Variants in DCAF5 observed in about 807,000 individuals in gnomAD.
DCAF5 encodes the protein DDB1 and CUL4 associated factor 5.
In DCAF5, 9 loss-of-function variants were observed where a neutral mutation model predicts 80.7. The observed-to-expected ratio is 0.11, with a 90% CI of 0.07 to 0.19. The LOEUF is 0.19. Among genes scored for constraint, DCAF5 ranks in the 10% least tolerant of loss-of-function variants. The pLI, the probability that DCAF5 is intolerant of heterozygous loss-of-function variation, is 1.00. For synonymous variants in DCAF5, 433 were observed against 461.9 expected, an observed-to-expected ratio of 0.94 and a Z score of 0.80; for missense variants, 842 against 1,205.7, an observed-to-expected ratio of 0.70 and a Z score of 4.47.
chr14:69,124,799 C>T (rs1458571512), intron 1 of DCAF5, among the ~76,000 whole-genome samples: 1 of 152,188 alleles, frequency 6.6e-6, no homozygotes, highest in Non-Finnish European at 1.5e-5. Flanking sequence ...AGTCTCCACT[C>T]CTATGGTTTT....
At chr14:69,099,503 C>T (rs2039875891) in intron 5 of DCAF5, among the ~76,000 whole-genome samples, 1 of 152,032 alleles carries the variant, frequency 6.6e-6, no homozygotes, top group Admixed American at 6.6e-5. Flanking sequence ...TATCAATGAC[C>T]ATCCAGGTCT....
chr14:69,127,969 T>G (rs1256579607), intron 1 of DCAF5, among the ~76,000 whole-genome samples: 1 of 152,154 alleles, frequency 6.6e-6, no homozygotes, highest in Non-Finnish European at 1.5e-5. Context: ...TATTGTTACA[T>G]CTTTTAGGTA....
At chr14:69,086,057 C>A (rs1319817934) in intron 6 of DCAF5, among the ~76,000 whole-genome samples, 2 of 152,094 alleles carry the variant, frequency 1.3e-5, no homozygotes, top group African/African-American at 4.8e-5. Flanking sequence ...TTGCTGGGAG[C>A]ATTAAAATAT....
chr14:69,058,951 A>C (rs970033527), intron 8 of DCAF5, among the ~76,000 whole-genome samples: 1 of 152,132 alleles, frequency 6.6e-6, no homozygotes, highest in Non-Finnish European at 1.5e-5. Flanking sequence ...AGATGAGACA[A>C]ATATTTTCCT....
In DCAF5 at chr14:69,152,439, T is replaced by G. The variant is rs913576827; in HGVS notation, c.214+326A>C. On this transcript the variant is annotated intron_variant, in intron 1 of 8. Transcript: ENST00000341516. The surrounding 1 kb of genome is among the most constrained non-coding windows in gnomAD (Gnocchi z 4.1). ...CTTTTAAAGTACGCGGAGGAAGAGT[T>G]TGCCGTCAAACTTTGTAGAGCGGTA... is the stretch of plus-strand genomic sequence containing the variant. The G allele has an allele frequency of 1.6e-5, 4 of 252,900 alleles. No homozygotes were observed. Among genetic ancestry groups the G allele is most frequent in the African/African-American group, 4.5e-5 (2 of 44,554 alleles). 15.7% of individuals were successfully genotyped at this position (252,900 alleles called of 1,614,324 possible).
chr14:69,070,918 CTCCCGAGTAGCTGGGATGATGGGTG>C (rs1267685030), intron 7 of DCAF5, among the ~76,000 whole-genome samples: 1 of 152,100 alleles, frequency 6.6e-6, no homozygotes, highest in East Asian at 1.9e-4. Flanking sequence ...CTGCCACAGC[CTCCCGAGTAGCTGGGATGATGGGTG>C]TGCACCACTA....
chr14:69,085,321 G>A, intron 6 of DCAF5: 2 of 704,084 alleles, frequency 2.8e-6, no homozygotes, highest in Non-Finnish European at 5.4e-6. Context: ...AACCAAGAAA[G>A]TTGAGAAGTC....
At chr14:69,082,820 G>A (rs1208280360) in intron 6 of DCAF5, among the ~76,000 whole-genome samples, 1 of 152,132 alleles carries the variant, frequency 6.6e-6, no homozygotes, top group East Asian at 1.9e-4. Flanking sequence ...TCAAAAAGAG[G>A]CAAAGCTCTT....
chr14:69,084,225 G>A, intron 6 of DCAF5: 1 of 1,009,590 alleles, frequency 9.9e-7, no homozygotes, highest in Non-Finnish European at 1.6e-6. Flanking sequence ...CATACCTATG[G>A]GTTGATAATG....
At chr14:69,092,290 T>C (rs1276691815) in intron 5 of DCAF5, among the ~76,000 whole-genome samples, 1 of 152,126 alleles carries the variant, frequency 6.6e-6, no homozygotes, top group Non-Finnish European at 1.5e-5. Flanking sequence ...AGCAATATAG[T>C]CATCCTTCAT....
chr14:69,084,822 C>T lies in DCAF5; in HGVS notation c.879+6852G>A, dbSNP rs377527124. On this transcript the variant is annotated intron_variant, in intron 6 of 8. Transcript: ENST00000341516. ...GCAGATTCAGGAACACTATTGTGTA[C>T]AGATGTGGCAGCAAGAGAACTGGAC... is the stretch of plus-strand genomic sequence containing the variant. 1.6e-3 allele frequency: 1,699 copies of T among 1,066,284 alleles called. 43 individuals carry two copies. In the South Asian group the frequency reaches 0.021, roughly 13 times the overall value. 66.1% of individuals were successfully genotyped at this position (1,066,284 alleles called of 1,614,324 possible). A position where few individuals can be genotyped will look rare whatever the true frequency, so the allele number is the denominator to read the frequency against.
intron 8 of DCAF5, among the ~76,000 whole-genome samples, chr14:69,056,082 C>T (rs1019105034): frequency 6.6e-6 from 1 of 152,218 alleles, no homozygotes; most frequent in Admixed American, 6.5e-5. Context: ...AGACCCAGCA[C>T]TCAGCCCTCC....
intron 7 of DCAF5, among the ~76,000 whole-genome samples, chr14:69,072,817 G>C (rs2038750112): frequency 6.6e-6 from 1 of 152,170 alleles, no homozygotes; most frequent in Non-Finnish European, 1.5e-5. Flanking sequence ...ATGTAATGCT[G>C]AAGAGTGATA....
intron 7 of DCAF5, among the ~76,000 whole-genome samples, chr14:69,064,435 T>TG (rs1357590721): frequency 3.3e-5 from 5 of 152,018 alleles, no homozygotes; most frequent in African/African-American, 1.2e-4. Context: ...AGGGGGGATG[T>TG]GGGGGGATTT....
chr14:69,090,859 T>G (rs2039507713), intron 6 of DCAF5: 1 of 510,466 alleles, frequency 2.0e-6, no homozygotes, highest in African/African-American at 1.9e-5. Flanking sequence ...CCAATCTATA[T>G]GTGAAATAGC....
chr14:69,123,491 G>A (rs2040787248), intron 1 of DCAF5, among the ~76,000 whole-genome samples: 1 of 152,194 alleles, frequency 6.6e-6, no homozygotes, highest in African/African-American at 2.4e-5. Context: ...GTAGGCTGGT[G>A]TTGGGAGACT....
intron 1 of DCAF5, among the ~76,000 whole-genome samples, chr14:69,134,558 G>A (rs183579759): frequency 7.0e-4 from 106 of 152,228 alleles, no homozygotes; most frequent in Admixed American, 1.7e-3. Flanking sequence ...ATGCAAACAG[G>A]GTTAACTAGG....
intron 5 of DCAF5, among the ~76,000 whole-genome samples, chr14:69,103,661 A>G (rs139507663): frequency 1.3e-5 from 2 of 152,346 alleles, no homozygotes; most frequent in East Asian, 3.9e-4. Context: ...TGCTATGGAA[A>G]CTCGCTTGTA....
intron 6 of DCAF5, among the ~76,000 whole-genome samples, chr14:69,088,980 C>T (rs1403995908): frequency 2.8e-5 from 1 of 35,862 alleles, no homozygotes; most frequent in Non-Finnish European, 7.7e-5. Flanking sequence ...GTAAGTCTGA[C>T]TTCTTGTGCA....
Sources: allele counts gnomAD v4.1 joint callset (sites outside exome capture counted in the v4.1 genomes callset), GRCh38; gene constraint gnomAD v4.1.1; non-coding constraint Gnocchi (gnomAD v3.1); transcripts MANE v1.5; gene names NCBI Gene and HGNC (gene_info 2026-07-23, HGNC 2026-07-21).